Variants in ATM observed in about 807,000 individuals in gnomAD.
The protein encoded by ATM is ATM serine/threonine kinase, also known as serine-protein kinase ATM.
ATM carries 308 observed loss-of-function variants against 387.0 expected under a neutral mutation model. The ratio of observed to expected loss-of-function variants is 0.80; its 90% CI spans 0.73 to 0.87. ATM has a LOEUF of 0.87. Ranked by LOEUF, ATM falls within the 40% of genes least tolerant of loss-of-function variation. ATM has a pLI of 0.00. For missense variants in ATM, 3,312 were observed against 3,560.9 expected (o/e 0.93, Z 1.78); for synonymous variants, 1,156 against 1,187.3 (o/e 0.97, Z 0.54).
At position 108,344,915 on chromosome 11, in the gene ATM, G is replaced by C. The variant is rs145359101; in HGVS notation, c.8419-828G>C. On this transcript the variant is annotated intron_variant, in intron 57 of 62. Coordinates refer to ENST00000675843, the MANE Select transcript of ATM (RefSeq NM_000051.4). The stretch of plus-strand genomic sequence containing the variant: ...GCTACTCAAGAGGCTGAGGTGAGAG[G>C]ATTGCTTGAGCCCAGGGGCCAAAAT... 1.6e-4 allele frequency among the ~76,000 whole-genome samples: 24 copies of C among 152,042 alleles called. No individual in the cohort carries two copies. The East Asian group carries it at 4.5e-3, about 28-fold the overall frequency.
rs2135226818 is a variant in ATM at position 108,244,095 on chromosome 11, T to C, written c.639T>C (p.Phe213=). 6.2e-7 allele frequency: 1 copy of C among 1,613,900 alleles called. No homozygotes were observed. Among genetic ancestry groups the C allele is most frequent in the Non-Finnish European group, 8.5e-7 (1 of 1,179,878 alleles). Residue 213 remains phenylalanine (F), a synonymous_variant, in exon 6 of 63, where the codon TTT becomes TTC. Transcript: ENST00000675843. ...DGLNSKFLDF[F]SKAIQCARQE... is the part of the protein sequence containing the mutation. ...TAAATTCCAAATTTTTGGACTTTTT[T>C]TCCAAGGCTATTCAGTGTGCGAGGT... is the stretch of plus-strand genomic sequence containing the variant.
chr11:108,230,973 AT>A (rs1157600880), intron 4 of ATM: 1 of 152,330 alleles, frequency 6.6e-6, no homozygotes, highest in Non-Finnish European at 1.5e-5. Flanking sequence ...AAATGCTGGG[AT>A]TACAAGCGTG....
Position 108,312,625 on chromosome 11 carries a change from T to C in ATM, c.6006+127T>C, listed in dbSNP as rs4988071. ...TTTACTTACTGGACTAAGCATCATATATATAAAATTATGGTCTGAAGCTTA... is the reference window on the plus strand; with the variant it reads ...TTTACTTACTGGACTAAGCATCATACATATAAAATTATGGTCTGAAGCTTA... On this transcript the variant is annotated intron_variant, in intron 40 of 62. Coordinates refer to ENST00000675843, the MANE Select transcript of ATM (RefSeq NM_000051.4). The C allele has an allele frequency of 6.9e-5, 47 of 676,722 alleles. No individual in the cohort carries two copies. The African/African-American group carries it at 7.8e-4, about 11-fold the overall frequency. The allele number at this position is 676,722 out of a possible 1,614,324, so 41.9% of individuals were successfully genotyped here. A position where few individuals can be genotyped will look rare whatever the true frequency, so the allele number is the denominator to read the frequency against.
At chr11:108,269,119 A>T (rs944953462) in intron 18 of ATM, among the ~76,000 whole-genome samples, 10 of 152,338 alleles carry the variant, frequency 6.6e-5, no homozygotes, top group South Asian at 4.1e-4. Context: ...GAAATCGCAC[A>T]CGTGATGCTC....
rs201990371 is a variant in ATM, at chr11:108,332,056, C to T, written c.7788+19C>T. 37 of 1,612,154 alleles carry T rather than the reference C, an allele frequency of 2.3e-5. No individual in the cohort carries two copies. Among genetic ancestry groups the T allele is most frequent in the Middle Eastern group, 1.7e-4 (1 of 6,054 alleles). On this transcript the variant is annotated intron_variant, in intron 52 of 62. Coordinates refer to ENST00000675843, the MANE Select transcript of ATM (RefSeq NM_000051.4). Reference sequence around the variant, plus strand: ...TGATGAGGTATTTGGATTAAACATACGTACCTTTTAGAAGTGTGATATTCA... The same window carrying T: ...TGATGAGGTATTTGGATTAAACATATGTACCTTTTAGAAGTGTGATATTCA...
At chr11:108,243,675 G>A (rs1300815059) in intron 5 of ATM, among the ~76,000 whole-genome samples, 3 of 152,170 alleles carry the variant, frequency 2.0e-5, no homozygotes, top group Non-Finnish European at 4.4e-5. Context: ...AGGCCTAGAT[G>A]ATGGAACAGA....
chr11:108,290,343 G>A (rs1373201453), intron 29 of ATM: 1 of 152,102 alleles, frequency 6.6e-6, no homozygotes, highest in Non-Finnish European at 1.5e-5. Flanking sequence ...AAGAAAATTA[G>A]GGCAAGGTGT....
chr11:108,332,992 T>A (rs2136582716), intron 53 of ATM, 92 bp downstream of exon 53: 2 of 1,471,098 alleles, frequency 1.4e-6, no homozygotes, highest in Non-Finnish European at 1.9e-6. Context: ...GTAAATCTGC[T>A]TAAAATCACA....
chr11:108,315,822 G>C lies in ATM; in HGVS notation c.6007-1G>C, dbSNP rs1365726807. ...AATTTTTGTTGTTTCCATGTTTTCA[G>C]GATCTTCTCTTAGAAATCTACAGAA... is the stretch of plus-strand genomic sequence containing the variant. On this transcript the variant is annotated splice_acceptor_variant, in intron 40 of 62. Transcript: ENST00000675843. LOFTEE classifies it high-confidence loss of function. 6.2e-7 allele frequency: 1 copy of C among 1,609,280 alleles called. No individual in the cohort carries two copies. The highest frequency in any genetic ancestry group is 8.5e-7 in the Non-Finnish European group (1 of 1,176,092).
chr11:108,247,249 C>A, intron 8 of ATM, 122 bp downstream of exon 8: 5 of 837,362 alleles, frequency 6.0e-6, no homozygotes, highest in African/African-American at 1.7e-5. Context: ...TCTGTACATG[C>A]AACTATTCCT....
intron 18 of ATM, among the ~76,000 whole-genome samples, chr11:108,270,645 CTG>C (rs546616992): frequency 6.6e-6 from 1 of 150,918 alleles, no homozygotes; most frequent in Non-Finnish European, 1.5e-5. Flanking sequence ...ATATTTACAG[CTG>C]TGTGTGTGTG....
At chr11:108,296,409 C>T (rs2083122876) in intron 32 of ATM, among the ~76,000 whole-genome samples, 1 of 152,058 alleles carries the variant, frequency 6.6e-6, no homozygotes. Flanking sequence ...TGCCACCATG[C>T]CCAGCTAATT....
At chr11:108,327,315 G>C in intron 47 of ATM, 1 of 285,670 alleles carries the variant, frequency 3.5e-6, no homozygotes, top group Non-Finnish European at 6.8e-6. Flanking sequence ...CTGCAAATTG[G>C]GGTAATAATA....
At chr11:108,280,228 C>T (rs2082161311) in intron 23 of ATM, among the ~76,000 whole-genome samples, 1 of 152,006 alleles carries the variant, frequency 6.6e-6, no homozygotes, top group African/African-American at 2.4e-5. Context: ...GTGTAAATAA[C>T]ATAAAATCTA....
At position 108,244,878 on chromosome 11, in the gene ATM, G is replaced by A. The variant is rs876658806; in HGVS notation, c.753G>A (p.Val251=). 1.1e-5 allele frequency: 17 copies of A among 1,613,732 alleles called. No individual in the cohort carries two copies. The highest frequency in any genetic ancestry group is 1.3e-5 in the African/African-American group (1 of 74,900). ...KTLAVNFRIR[V]CELGDEILPT... ...TGGCTGTCAACTTTCGAATTCGAGT[G>A]TGTGAATTAGGAGATGAAATTCTTC... Residue 251 remains valine (V), a synonymous_variant, in exon 7 of 63, where the codon GTG becomes GTA. Transcript: ENST00000675843.
chr11:108,310,453 T>G (rs1428300793), intron 39 of ATM, 138 bp downstream of exon 39: 19 of 786,934 alleles, frequency 2.4e-5, no homozygotes, highest in Non-Finnish European at 3.3e-5. Flanking sequence ...TAAAGTGAAA[T>G]TATAATAAAT....
intron 12 of ATM, 142 bp downstream of exon 12, chr11:108,253,054 A>T: frequency 5.8e-6 from 4 of 694,684 alleles, no homozygotes; most frequent in Non-Finnish European, 9.9e-6. Context: ...GCCAGGGAAG[A>T]GGTTGTTTTA....
intron 16 of ATM, among the ~76,000 whole-genome samples, chr11:108,266,590 C>G (rs930941403): frequency 6.6e-6 from 1 of 151,642 alleles, no homozygotes; most frequent in Non-Finnish European, 1.5e-5. Flanking sequence ...ACATATGTAA[C>G]TAACCTGCAC....
At position 108,320,025 on chromosome 11, in the gene ATM, T is replaced by G. The variant is rs1297621371; in HGVS notation, c.6419T>G (p.Phe2140Cys). The change falls in exon 44 of 63, where the codon TTC (phenylalanine) becomes TGC (cysteine). Residue 2140 changes from phenylalanine to cysteine, a missense_variant. By Grantham distance (205) the Phe-to-Cys change is radical. Coordinates refer to ENST00000675843, the MANE Select transcript of ATM (RefSeq NM_000051.4). ...CTACAATCTCTAAGAGACAGAGAAT[T>G]CTCTACATTTTATGAAAGTCTCAAA... ...NALQSLRDRE[F>C]STFYESLKYA... 6.2e-7 allele frequency: 1 copy of G among 1,610,026 alleles called. No homozygotes were observed. Among genetic ancestry groups the G allele is most frequent in the South Asian group, 1.1e-5 (1 of 90,996 alleles).
Sources: allele counts gnomAD v4.1 joint callset (sites outside exome capture counted in the v4.1 genomes callset), GRCh38; gene constraint gnomAD v4.1.1; transcripts MANE v1.5; gene names NCBI Gene and HGNC (gene_info 2026-07-23, HGNC 2026-07-21).